The following RHBDD1 variants were observed in gnomAD, a reference collection of about 807,000 sequenced individuals.
RHBDD1 encodes rhomboid-related protein 4.
A neutral mutation model predicts 36.3 loss-of-function variants in RHBDD1; 38 were observed. The observed-to-expected ratio is 1.05, with a 90% CI of 0.81 to 1.37. The LOEUF is 1.37. Ranked by LOEUF, RHBDD1 falls within the 40% of genes most tolerant of loss-of-function variation. The pLI is 0.00. For missense variants in RHBDD1, 393 were observed against 377.6 expected, an observed-to-expected ratio of 1.04 and a Z score of -0.34; for synonymous variants, 151 against 136.5, an observed-to-expected ratio of 1.11 and a Z score of -0.74.
At chr2:226,928,796 C>G (rs1322660505) in intron 8 of RHBDD1, among the ~76,000 whole-genome samples, 1 of 151,874 alleles carries the variant, frequency 6.6e-6, no homozygotes, top group African/African-American at 2.4e-5. Context: ...TTCAAATAAG[C>G]TGAATTAGAA....
intron 5 of RHBDD1, 51 bp from the exon 6 acceptor site, chr2:226,906,742 C>A: frequency 6.2e-7 from 1 of 1,613,622 alleles, no homozygotes; most frequent in Non-Finnish European, 8.5e-7. Context: ...GACAGAATGT[C>A]TCTAATCAGC....
intron 3 of RHBDD1, among the ~76,000 whole-genome samples, chr2:226,840,032 C>T (rs1941436746): frequency 6.6e-6 from 1 of 152,002 alleles, no homozygotes; most frequent in Admixed American, 6.6e-5. Context: ...AATAATGAGC[C>T]TTCATAAGAA....
Position 226,926,797 on chromosome 2 carries a change from T to G in RHBDD1, c.856+12446T>G, listed in dbSNP as rs1949698717. Among the ~76,000 whole-genome samples, 4 of 152,324 alleles carry G rather than the reference T, an allele frequency of 2.6e-5. 1 individual carries two copies. Among genetic ancestry groups the G allele is most frequent in the Middle Eastern group, 6.8e-3 (2 of 292 alleles). On this transcript the variant is annotated intron_variant, in intron 8 of 8. Transcript: ENST00000392062. ...ATACTATGTCACCATATGAATATCC[T>G]GTTTCCTAAAAATTACTTGAAAACC...
At chr2:226,893,494 G>A (rs1179082559) in intron 5 of RHBDD1, among the ~76,000 whole-genome samples, 1 of 152,114 alleles carries the variant, frequency 6.6e-6, no homozygotes, top group Non-Finnish European at 1.5e-5. Context: ...GTTGTGGTGG[G>A]AACTTTTATT....
At chr2:226,984,898 C>G (rs893634625) in intron 8 of RHBDD1, among the ~76,000 whole-genome samples, 1 of 149,774 alleles carries the variant, frequency 6.7e-6, no homozygotes, top group Non-Finnish European at 1.5e-5. Flanking sequence ...TATCTCACTT[C>G]CGCCCTTCTG....
chr2:226,854,732 A>G (rs1943156892), intron 3 of RHBDD1, among the ~76,000 whole-genome samples: 1 of 152,098 alleles, frequency 6.6e-6, no homozygotes, highest in Non-Finnish European at 1.5e-5. Context: ...GTTTTTTTAA[A>G]TCTACTTAAA....
At chr2:226,941,332 CG>C (rs1950652680) in intron 8 of RHBDD1, among the ~76,000 whole-genome samples, 1 of 152,206 alleles carries the variant, frequency 6.6e-6, no homozygotes, top group African/African-American at 2.4e-5. Flanking sequence ...ACTTCTCCAT[CG>C]GCCTTCAGCC....
At chr2:226,872,937 A>G (rs971316065) in intron 5 of RHBDD1, among the ~76,000 whole-genome samples, 59 of 152,346 alleles carry the variant, frequency 3.9e-4, no homozygotes, top group African/African-American at 1.4e-3. Flanking sequence ...GCATTATCAT[A>G]TATGTTCCTG....
At chr2:226,829,072 T>C in the RHBDD1 span, among the ~76,000 whole-genome samples, 11 of 152,310 alleles carry the variant, frequency 7.2e-5, no homozygotes, top group South Asian at 1.7e-3. Flanking sequence ...TTGTTGTGCA[T>C]TGTGTGGGCC....
intron 8 of RHBDD1, among the ~76,000 whole-genome samples, chr2:226,954,721 A>G (rs1396948869): frequency 6.6e-6 from 1 of 152,156 alleles, no homozygotes; most frequent in Non-Finnish European, 1.5e-5. Flanking sequence ...TATGAAGAAA[A>G]TAAATCGGTA....
chr2:226,819,976 T>TG, the RHBDD1 span, among the ~76,000 whole-genome samples: 2 of 72,448 alleles, frequency 2.8e-5, no homozygotes, highest in African/African-American at 6.6e-5. Flanking sequence ...ATATTGTGTG[T>TG]GTTTTTTTTT....
At chr2:226,866,798 T>C (rs753788007) in intron 4 of RHBDD1, among the ~76,000 whole-genome samples, 3 of 152,230 alleles carry the variant, frequency 2.0e-5, no homozygotes, top group Non-Finnish European at 2.9e-5. Context: ...ATGCCCTGTC[T>C]TCAACATGTT....
intron 5 of RHBDD1, among the ~76,000 whole-genome samples, chr2:226,882,180 A>G (rs939021087): frequency 6.6e-6 from 1 of 152,204 alleles, no homozygotes; most frequent in African/African-American, 2.4e-5. Flanking sequence ...CTGTAATCCC[A>G]GCACTTTGGG....
In RHBDD1 at chr2:226,904,783, C is replaced by T. The variant is rs72967722; in HGVS notation, c.567-2010C>T. ...GCTTGTGGTGTTTCAGGGAATCTCC[C>T]CTAGGCTGCTGCCATAGTAGGCGAA... On this transcript the variant is annotated intron_variant, in intron 5 of 8. Coordinates refer to ENST00000392062, the MANE Select transcript of RHBDD1 (RefSeq NM_001167608.3). 4.9e-3 allele frequency among the ~76,000 whole-genome samples: 753 copies of T among 152,262 alleles called. 1 individual carries two copies. The highest frequency in any genetic ancestry group is 8.8e-3 in the Non-Finnish European group (597 of 68,010).
intron 8 of RHBDD1, among the ~76,000 whole-genome samples, chr2:226,986,017 A>G (rs1394604345): frequency 2.0e-5 from 3 of 152,262 alleles, no homozygotes; most frequent in East Asian, 3.8e-4. Context: ...GTGATAAGTC[A>G]TGTTGACAGC....
chr2:226,835,615 G>C (rs1369009848), upstream of RHBDD1: 1 of 152,258 alleles, frequency 6.6e-6, no homozygotes, highest in Non-Finnish European at 1.5e-5. Context: ...GCTGGGGCCC[G>C]GAAGGACGAA....
chr2:226,893,061 G>T (rs1158395735), intron 5 of RHBDD1, among the ~76,000 whole-genome samples: 1 of 152,186 alleles, frequency 6.6e-6, no homozygotes, highest in Non-Finnish European at 1.5e-5. Flanking sequence ...CATTTCCACA[G>T]TTCCAGTTGA....
chr2:226,918,321 A>T (rs1013993186), intron 8 of RHBDD1, among the ~76,000 whole-genome samples: 2 of 152,010 alleles, frequency 1.3e-5, no homozygotes, highest in African/African-American at 4.8e-5. Flanking sequence ...TCTTTGTGTT[A>T]CAAACAATCC....
the RHBDD1 span, among the ~76,000 whole-genome samples, chr2:226,810,565 A>AAAAAAAAAAAAAAAAT: frequency 6.8e-6 from 1 of 146,464 alleles, no homozygotes; most frequent in African/African-American, 2.6e-5. Flanking sequence ...AAAAAAAAAA[A>AAAAAAAAAAAAAAAAT]GTGAATGTTA....
Sources: gnomAD v4.1 joint callset for allele counts (sites outside exome capture counted in the v4.1 genomes callset) on GRCh38, gnomAD v4.1.1 for gene constraint, MANE v1.5 for transcripts, NCBI Gene and HGNC (gene_info 2026-07-23, HGNC 2026-07-21) for gene names.